FBXO40: variants seen among roughly 807,000 people sequenced by gnomAD.
The protein encoded by FBXO40 is F-box only protein 40.
Under a neutral mutation model 49.9 loss-of-function variants are expected in FBXO40, and 50 were observed. The ratio of observed to expected loss-of-function variants is 1.00; its 90% CI spans 0.80 to 1.27. The LOEUF (loss-of-function observed/expected upper bound fraction) is 1.27. FBXO40 is among the 50% of genes most tolerant of loss of function. The pLI, the probability that FBXO40 is intolerant of heterozygous loss-of-function variation, is 0.00. For synonymous variants in FBXO40, 340 were observed against 320.2 expected (o/e 1.06, Z -0.66); for missense variants, 895 against 870.1 (o/e 1.03, Z -0.36).
chr3:121,626,713 C>G lies in FBXO40; in HGVS notation c.1933C>G (p.Leu645Val), dbSNP rs754743192. ...VHREIWQFSS[L>V]FSKIKSWEFN... ...TCAACAGATCTGGCAGTTCAGCAGC[C>G]TCTTCTCCAAAATCAAGAGCTGGGA... Residue 645 changes from leucine (L) to valine (V), a missense_variant, in exon 4 of 4, where the codon CTC becomes GTC. By Grantham distance (32) the Leu-to-Val change is conservative. Transcript: ENST00000338040. 2 of 1,614,140 alleles carry G rather than the reference C, an allele frequency of 1.2e-6. No individual in the cohort carries two copies. Among genetic ancestry groups the G allele is most frequent in the Middle Eastern group, 1.6e-4 (1 of 6,062 alleles).
chr3:121,612,709 C>T (rs956169327), intron 1 of FBXO40, among the ~76,000 whole-genome samples: 6 of 151,968 alleles, frequency 3.9e-5, no homozygotes, highest in East Asian at 1.9e-4. Flanking sequence ...TGTTAGGGGC[C>T]GCTGTAACAC....
At chr3:121,604,260 C>G (rs1414772601) in intron 1 of FBXO40, among the ~76,000 whole-genome samples, 4 of 152,106 alleles carry the variant, frequency 2.6e-5, no homozygotes, top group African/African-American at 9.7e-5. Flanking sequence ...ACTGGAGGAG[C>G]AATAGGTCTG....
chr3:121,623,175 G>A lies in FBXO40; in HGVS notation c.1746G>A (p.Lys582=). 6.2e-7 allele frequency: 1 copy of A among 1,614,192 alleles called. No individual in the cohort carries two copies. Among genetic ancestry groups the A allele is most frequent in the Non-Finnish European group, 8.5e-7 (1 of 1,180,028 alleles). The change falls in exon 3 of 4, where the codon AAG becomes AAA. Residue 582 remains lysine (K), a synonymous_variant. Coordinates refer to ENST00000338040, the MANE Select transcript of FBXO40 (RefSeq NM_016298.4). ...CCAGCCTGCCCCTGGAGATTTTGAA[G>A]TACATTGCTGGGTTCTTGGACAGCG... ...SLTSLPLEIL[K]YIAGFLDSVS...
intron 1 of FBXO40, among the ~76,000 whole-genome samples, chr3:121,613,502 GC>G (rs2048978831): frequency 6.6e-6 from 1 of 152,180 alleles, no homozygotes; most frequent in Non-Finnish European, 1.5e-5. Context: ...AGAAAGCGGG[GC>G]CCGGCTGTCC....
At chr3:121,608,395 A>G (rs2048943000) in intron 1 of FBXO40, among the ~76,000 whole-genome samples, 1 of 152,134 alleles carries the variant, frequency 6.6e-6, no homozygotes, top group Non-Finnish European at 1.5e-5. Context: ...CCCTAGTAAG[A>G]GCAATTAGCT....
At chr3:121,598,099 C>T (rs1453313475) in intron 1 of FBXO40, among the ~76,000 whole-genome samples, 2 of 152,140 alleles carry the variant, frequency 1.3e-5, no homozygotes, top group African/African-American at 4.8e-5. Flanking sequence ...GTGGAGGTAA[C>T]ATGTAAGCAG....
intron 1 of FBXO40, among the ~76,000 whole-genome samples, chr3:121,611,729 T>A (rs893523660): frequency 6.6e-6 from 1 of 152,214 alleles, no homozygotes; most frequent in Non-Finnish European, 1.5e-5. Flanking sequence ...TTTCAGACTA[T>A]CACATGGGGA....
intron 1 of FBXO40, among the ~76,000 whole-genome samples, chr3:121,598,876 GC>G (rs572950417): frequency 8.1e-4 from 123 of 152,262 alleles, no homozygotes; most frequent in Non-Finnish European, 1.4e-3. Flanking sequence ...TCAAGTTGCT[GC>G]CCCCTTGCCA....
chr3:121,620,115 C>A (rs1168572724), intron 1 of FBXO40, among the ~76,000 whole-genome samples: 1 of 152,178 alleles, frequency 6.6e-6, no homozygotes, highest in African/African-American at 2.4e-5. Context: ...CTCAGACTAA[C>A]CTCTAAGTGG....
intron 1 of FBXO40, among the ~76,000 whole-genome samples, chr3:121,593,726 A>G (rs1453630333): frequency 6.6e-6 from 1 of 152,144 alleles, no homozygotes; most frequent in Non-Finnish European, 1.5e-5. Flanking sequence ...GCTTTCTGAC[A>G]GCTTAGGTTC....
chr3:121,616,585 T>C (rs2048998492), intron 1 of FBXO40, among the ~76,000 whole-genome samples: 1 of 152,200 alleles, frequency 6.6e-6, no homozygotes, highest in African/African-American at 2.4e-5. Context: ...TGCAGATCTA[T>C]AGGTTTAGCA....
chr3:121,625,147 C>T (rs537367356), intron 3 of FBXO40, among the ~76,000 whole-genome samples: 16 of 152,238 alleles, frequency 1.1e-4, no homozygotes, highest in African/African-American at 3.4e-4. Context: ...GTTCCTTTTC[C>T]CCAGTAGGTC....
chr3:121,603,166 T>A (rs1474148864), intron 1 of FBXO40, among the ~76,000 whole-genome samples: 1 of 152,236 alleles, frequency 6.6e-6, no homozygotes, highest in Admixed American at 6.5e-5. Context: ...TTTACCCTGA[T>A]GTCTTAATTG....
At chr3:121,617,459 G>A (rs559848938) in intron 1 of FBXO40, among the ~76,000 whole-genome samples, 2 of 152,154 alleles carry the variant, frequency 1.3e-5, no homozygotes, top group African/African-American at 4.8e-5. Context: ...GCTGGGCATG[G>A]TGGTGGGCAC....
At chr3:121,617,247 A>G (rs977269414) in intron 1 of FBXO40, among the ~76,000 whole-genome samples, 14 of 152,230 alleles carry the variant, frequency 9.2e-5, no homozygotes, top group Admixed American at 2.0e-4. Flanking sequence ...TTCTGTATGC[A>G]TATAAGAAAA....
At chr3:121,607,829 C>T (rs9869689) in intron 1 of FBXO40, among the ~76,000 whole-genome samples, 10,636 of 152,204 alleles carry the variant, frequency 0.07, 509 homozygotes, top group Non-Finnish European at 0.1. Context: ...ATAGAGCTTT[C>T]AGGCTGAAGT....
chr3:121,625,468 AATTAC>A (rs1200492989), intron 3 of FBXO40, among the ~76,000 whole-genome samples: 1 of 152,244 alleles, frequency 6.6e-6, no homozygotes, highest in African/African-American at 2.4e-5. Flanking sequence ...CTCAAAAAGT[AATTAC>A]AAGACTCTCT....
At chr3:121,599,682 A>ATG in intron 1 of FBXO40, among the ~76,000 whole-genome samples, 1 of 78,794 alleles carries the variant, frequency 1.3e-5, no homozygotes, top group African/African-American at 4.3e-5. Flanking sequence ...ATGCACACAC[A>ATG]CACACACACA....
intron 1 of FBXO40, among the ~76,000 whole-genome samples, chr3:121,617,754 C>G (rs1274611972): frequency 1.3e-5 from 2 of 152,156 alleles, no homozygotes; most frequent in African/African-American, 2.4e-5. Flanking sequence ...AATCTCAGCA[C>G]TTTTGGAGGC....
Sources: gnomAD v4.1 joint callset for allele counts (sites outside exome capture counted in the v4.1 genomes callset) on GRCh38, gnomAD v4.1.1 for gene constraint, MANE v1.5 for transcripts, NCBI Gene and HGNC (gene_info 2026-07-23, HGNC 2026-07-21) for gene names.